TRMT11: variants seen among roughly 807,000 people sequenced by gnomAD.
TRMT11 encodes tRNA (guanine(10)-N(2))-methyltransferase TRMT11.
In TRMT11, 53 loss-of-function variants were observed where a neutral mutation model predicts 62.8. That is an observed-to-expected ratio of 0.84 (90% confidence interval 0.68 to 1.06). The LOEUF (loss-of-function observed/expected upper bound fraction) is 1.06, where lower values mean the gene tolerates loss of function less well. TRMT11 is among the 50% of genes least tolerant of loss of function. The pLI is 0.00. For missense variants in TRMT11, 556 were observed against 553.4 expected (o/e 1.00, Z -0.05); for synonymous variants, 188 against 190.3 (o/e 0.99, Z 0.10).
intron 17 of TRMT11, among the ~76,000 whole-genome samples, chr6:126,069,508 C>T (rs1776786950): frequency 6.6e-6 from 1 of 152,076 alleles, no homozygotes; most frequent in Non-Finnish European, 1.5e-5. Context: ...AAGTCAACTT[C>T]TCAAACAAAA....
At chr6:126,021,122 A>G (rs747497274) in intron 11 of TRMT11, 38 bp from the exon 12 acceptor site, 3 of 1,611,622 alleles carry the variant, frequency 1.9e-6, no homozygotes, top group South Asian at 1.1e-5. Flanking sequence ...TGGCCCACAC[A>G]TGTGAGTGTT....
At chr6:126,022,539 T>TG (rs1268042631) in intron 12 of TRMT11, among the ~76,000 whole-genome samples, 38 of 152,358 alleles carry the variant, frequency 2.5e-4, no homozygotes, top group African/African-American at 8.4e-4. Flanking sequence ...ACCATACACC[T>TG]GGTTTATGTT....
intron 21 of TRMT11, among the ~76,000 whole-genome samples, chr6:126,137,686 TATTTGCAATAGCCAAG>T (rs1777868029): frequency 6.6e-6 from 1 of 151,936 alleles, no homozygotes; most frequent in African/African-American, 2.4e-5. Context: ...ATTGCAGTAG[TATTTGCAATAGCCAAG>T]ATATGGAATC....
chr6:126,237,112 TATGTCAATA>T, the TRMT11 span, among the ~76,000 whole-genome samples: 1 of 152,108 alleles, frequency 6.6e-6, no homozygotes, highest in African/African-American at 2.4e-5. Context: ...TATTGACTTG[TATGTCAATA>T]AACACCTCTC....
intron 16 of TRMT11, among the ~76,000 whole-genome samples, chr6:126,049,647 C>T (rs1776156192): frequency 6.6e-6 from 1 of 152,010 alleles, no homozygotes; most frequent in South Asian, 2.1e-4. Flanking sequence ...GTGATGAGAC[C>T]TACACATAAA....
At chr6:126,240,645 G>T in the TRMT11 span, among the ~76,000 whole-genome samples, 112 of 152,326 alleles carry the variant, frequency 7.4e-4, no homozygotes, top group African/African-American at 2.4e-3. Flanking sequence ...CAGTTAGGCT[G>T]CTCAGGGGTC....
At chr6:126,257,861 G>T in the TRMT11 span, 2 of 1,234,996 alleles carry the variant, frequency 1.6e-6, no homozygotes, top group Non-Finnish European at 2.4e-6. Flanking sequence ...TATTGCTCTT[G>T]CTATGAGGTC....
chr6:126,071,783 A>G (rs1776866236), intron 17 of TRMT11, among the ~76,000 whole-genome samples: 1 of 152,144 alleles, frequency 6.6e-6, no homozygotes, highest in South Asian at 2.1e-4. Flanking sequence ...ACAGTTTCAG[A>G]AAATAAATCT....
rs566971798 is a variant in TRMT11 at position 125,999,448 on chromosome 6, C to G, written c.523-9C>G. 5 of 1,583,680 alleles carry G rather than the reference C, an allele frequency of 3.2e-6. No homozygotes were observed. The East Asian group carries it at 1.1e-4, about 36-fold the overall frequency. The stretch of plus-strand genomic sequence containing the variant: ...GGCTATACTAACATAAGAAATATCT[C>G]TGATTTAGATTGCAGATGGACAGAG... On this transcript the variant is annotated splice_polypyrimidine_tract_variant and intron_variant, in intron 6 of 12. Coordinates refer to ENST00000334379, the MANE Select transcript of TRMT11 (RefSeq NM_001031712.3).
downstream of TRMT11, among the ~76,000 whole-genome samples, chr6:126,044,194 C>T (rs1307432886): frequency 5.3e-5 from 8 of 152,060 alleles, no homozygotes; most frequent in Admixed American, 3.9e-4. Flanking sequence ...TTAGGTCTAA[C>T]GTTTAAGTCT....
intron 1 of TRMT11, among the ~76,000 whole-genome samples, chr6:126,183,862 C>G (rs1015071397): frequency 6.6e-6 from 1 of 152,042 alleles, no homozygotes; most frequent in African/African-American, 2.4e-5. Flanking sequence ...GAAGCTGATG[C>G]GAGCAACCTG....
intron 17 of TRMT11, among the ~76,000 whole-genome samples, chr6:126,068,401 G>A (rs987499664): frequency 2.0e-5 from 3 of 152,124 alleles, no homozygotes; most frequent in African/African-American, 7.2e-5. Context: ...TATCTTCTAG[G>A]AAGTTTGTTG....
chr6:126,253,562 G>C, the TRMT11 span, among the ~76,000 whole-genome samples: 32,179 of 151,884 alleles, frequency 0.21, 4,350 homozygotes, highest in East Asian at 0.52. Context: ...GGCATCACCA[G>C]AAACATGTGA....
intron 12 of TRMT11, among the ~76,000 whole-genome samples, chr6:126,024,499 C>G (rs552121987): frequency 1.3e-5 from 2 of 152,348 alleles, no homozygotes; most frequent in Admixed American, 1.3e-4. Context: ...CCTCAAACTC[C>G]TGGGCTCAAG....
At chr6:126,232,373 C>T in the TRMT11 span, among the ~76,000 whole-genome samples, 4 of 151,692 alleles carry the variant, frequency 2.6e-5, no homozygotes, top group Non-Finnish European at 5.9e-5. Flanking sequence ...GAAAGATTTC[C>T]TTTTAAATAA....
chr6:126,270,679 A>G, the TRMT11 span, among the ~76,000 whole-genome samples: 10 of 152,238 alleles, frequency 6.6e-5, no homozygotes, highest in Non-Finnish European at 1.3e-4. Flanking sequence ...ATAATAAAAT[A>G]CATTTTGCAA....
At chr6:126,151,724 C>G (rs1027248533) in intron 21 of TRMT11, among the ~76,000 whole-genome samples, 1 of 151,508 alleles carries the variant, frequency 6.6e-6, no homozygotes, top group African/African-American at 2.4e-5. Context: ...CCCTCCTTCC[C>G]TCCCTCCCTT....
chr6:126,120,485 G>T (rs563895406), intron 21 of TRMT11, among the ~76,000 whole-genome samples: 2 of 152,012 alleles, frequency 1.3e-5, no homozygotes, highest in Non-Finnish European at 2.9e-5. Flanking sequence ...TTGTGTCAAC[G>T]TTACAAACCT....
the TRMT11 span, among the ~76,000 whole-genome samples, chr6:126,237,071 G>T: frequency 5.5e-5 from 8 of 144,438 alleles, no homozygotes; most frequent in African/African-American, 2.3e-4. Flanking sequence ...GAGATAGAGA[G>T]AGAGAGAGAG....
Sources: allele counts gnomAD v4.1 joint callset (sites outside exome capture counted in the v4.1 genomes callset), GRCh38; gene constraint gnomAD v4.1.1; transcripts MANE v1.5; gene names NCBI Gene and HGNC (gene_info 2026-07-23, HGNC 2026-07-21).